Variants in ODAD2 observed in about 807,000 individuals in gnomAD.
ODAD2 encodes the protein outer dynein arm docking complex subunit 2, also known as outer dynein arm-docking complex subunit 2.
ODAD2 carries 89 observed loss-of-function variants against 106.8 expected under a neutral mutation model. That is an observed-to-expected ratio of 0.83 (90% CI 0.70 to 0.99). The LOEUF is 0.99. Ranked by LOEUF, ODAD2 falls within the 50% of genes least tolerant of loss-of-function variation. ODAD2 has a pLI of 0.00. For missense variants in ODAD2, 1,168 were observed against 1,238.5 expected, an observed-to-expected ratio of 0.94 and a Z score of 0.85; for synonymous variants, 404 against 436.2, an observed-to-expected ratio of 0.93 and a Z score of 0.92.
intron 19 of ODAD2, among the ~76,000 whole-genome samples, chr10:27,851,504 G>A (rs1288332406): frequency 1.3e-5 from 2 of 151,870 alleles, no homozygotes; most frequent in Admixed American, 6.6e-5. Flanking sequence ...CGAAAGATGT[G>A]AAAGGAGATC....
At chr10:27,821,586 A>G (rs1364881306) in intron 19 of ODAD2, among the ~76,000 whole-genome samples, 1 of 152,208 alleles carries the variant, frequency 6.6e-6, no homozygotes, top group Non-Finnish European at 1.5e-5. Flanking sequence ...CCTGAATTTG[A>G]TGTGGAGCTA....
chr10:27,914,160 G>C (rs1844203548), intron 16 of ODAD2, among the ~76,000 whole-genome samples: 1 of 152,026 alleles, frequency 6.6e-6, no homozygotes. Context: ...AAAAAAGAAT[G>C]AGATCAAACA....
At chr10:27,822,630 C>T (rs151320891) in intron 19 of ODAD2, among the ~76,000 whole-genome samples, 2 of 152,346 alleles carry the variant, frequency 1.3e-5, no homozygotes, top group Non-Finnish European at 2.9e-5. Context: ...CACATCCAGA[C>T]TCTGAGCCTC....
chr10:27,877,063 T>C (rs1589892573), intron 17 of ODAD2, among the ~76,000 whole-genome samples: 1 of 151,822 alleles, frequency 6.6e-6, no homozygotes, highest in East Asian at 1.9e-4. Context: ...ATTTGTTGAA[T>C]TGTGAAAAAA....
At chr10:27,838,862 A>G (rs150756505) in intron 19 of ODAD2, among the ~76,000 whole-genome samples, 1 of 152,100 alleles carries the variant, frequency 6.6e-6, no homozygotes, top group Non-Finnish European at 1.5e-5. Flanking sequence ...TTTTATCAAC[A>G]AAAAAAGCTG....
intron 17 of ODAD2, among the ~76,000 whole-genome samples, chr10:27,885,795 T>TATATATTATATATA (rs1564466754): frequency 3.2e-5 from 2 of 62,048 alleles, no homozygotes; most frequent in East Asian, 5.4e-4. Context: ...TTATATATAA[T>TATATATTATATATA]ATATATAAAA....
intron 7 of ODAD2, among the ~76,000 whole-genome samples, chr10:27,973,219 A>G (rs1270246534): frequency 6.6e-6 from 1 of 150,624 alleles, no homozygotes; most frequent in East Asian, 1.9e-4. Context: ...AATAATACAT[A>G]CATACATACA....
intron 7 of ODAD2, among the ~76,000 whole-genome samples, chr10:27,977,018 C>T (rs1849234261): frequency 6.6e-6 from 1 of 151,898 alleles, no homozygotes; most frequent in Non-Finnish European, 1.5e-5. Flanking sequence ...ACAAATGATG[C>T]TGGAACAACT....
chr10:27,984,547 G>A lies in ODAD2; in HGVS notation c.576-257C>T, dbSNP rs144343368. On this transcript the variant is annotated intron_variant, in intron 4 of 19. Coordinates refer to ENST00000305242, the MANE Select transcript of ODAD2 (RefSeq NM_018076.5). The stretch of plus-strand genomic sequence containing the variant: ...TAATATTCTAACACTAAAAATATTA[G>A]AAAATGAACATGCTTTGGACTATAC... 2.0e-3 allele frequency among the ~76,000 whole-genome samples: 303 copies of A among 152,188 alleles called. 1 individual carries two copies. Among genetic ancestry groups the A allele is most frequent in the African/African-American group, 6.9e-3 (287 of 41,540 alleles).
At chr10:27,901,369 G>T (rs891258129) in intron 17 of ODAD2, among the ~76,000 whole-genome samples, 3 of 152,152 alleles carry the variant, frequency 2.0e-5, no homozygotes, top group Non-Finnish European at 2.9e-5. Flanking sequence ...ATACCAAATT[G>T]TAAAGACCAT....
intron 14 of ODAD2, 143 bp from the exon 15 acceptor site, chr10:27,937,023 T>G (rs1337936853): frequency 2.7e-6 from 2 of 749,152 alleles, no homozygotes; most frequent in Admixed American, 6.7e-5. Flanking sequence ...TAAAATATAA[T>G]TCATCTTTCT....
chr10:27,988,498 C>T lies in ODAD2; in HGVS notation c.225-955G>A, dbSNP rs138030968. Among the ~76,000 whole-genome samples, 779 of 151,808 alleles carry T rather than the reference C, an allele frequency of 5.1e-3. 7 individuals carry two copies. Among genetic ancestry groups the T allele is most frequent in the African/African-American group, 0.018 (725 of 41,428 alleles). On this transcript the variant is annotated intron_variant, in intron 2 of 19. Transcript: ENST00000305242. ...ACTAGAGGCACATGCCACCATGCCT[C>T]GCTAATTTTTGTATTTTTAGTAGAC...
Position 27,991,397 on chromosome 10 carries a change from C to T in ODAD2, c.224+3522G>A, listed in dbSNP as rs571127445. On this transcript the variant is annotated intron_variant, in intron 2 of 19. Coordinates refer to ENST00000305242, the MANE Select transcript of ODAD2 (RefSeq NM_018076.5). The stretch of plus-strand genomic sequence containing the variant: ...CATCTATTCAATTAATAACGATCTG[C>T]ACAAAAGGACAGAAGGCAGTTGATG... 3.9e-5 allele frequency among the ~76,000 whole-genome samples: 6 copies of T among 152,276 alleles called. No homozygotes were observed. In the South Asian group the frequency reaches 1.2e-3, roughly 32 times the overall value.
intron 14 of ODAD2, among the ~76,000 whole-genome samples, chr10:27,938,792 G>A (rs188291907): frequency 3.2e-4 from 49 of 152,060 alleles, no homozygotes; most frequent in Admixed American, 2.8e-3. Flanking sequence ...TAGAGACGGG[G>A]TTGCACCATG....
In ODAD2 at chr10:27,944,391, G is replaced by T; in HGVS notation, c.1574C>A (p.Pro525His). The change falls in exon 12 of 20, where the codon CCT becomes CAT. Residue 525 changes from proline (P) to histidine (H), a missense_variant. Pro to His is a moderately conservative substitution (Grantham distance 77, BLOSUM62 -2). This residue lies in a region of ODAD2 where 701 missense variants were observed against 712.3 expected (regional missense o/e 0.98). Coordinates refer to ENST00000305242, the MANE Select transcript of ODAD2 (RefSeq NM_018076.5). ...GTCAACAATATTCTGTCTGATTTGA[G>T]GATTATGACTGATTTCCTTCAGTAT... ...LKILKEISHN[P>H]QIRQNIVDLG... The T allele has an allele frequency of 6.2e-7, 1 of 1,613,960 alleles. No homozygotes were observed. The highest frequency in any genetic ancestry group is 8.5e-7 in the Non-Finnish European group (1 of 1,179,954).
chr10:27,952,700 A>C (rs1847444279), intron 10 of ODAD2, among the ~76,000 whole-genome samples: 1 of 152,152 alleles, frequency 6.6e-6, no homozygotes, highest in Non-Finnish European at 1.5e-5. Flanking sequence ...CAAAACTTCC[A>C]AAAATGGTAC....
At chr10:27,961,848 T>A in intron 9 of ODAD2, 133 bp from the exon 10 acceptor site, 1 of 690,940 alleles carries the variant, frequency 1.4e-6, no homozygotes, top group Non-Finnish European at 2.4e-6. Context: ...GAGGATTACT[T>A]AAGGCCAAGA....
intron 16 of ODAD2, among the ~76,000 whole-genome samples, chr10:27,926,689 T>G (rs185756375): frequency 6.6e-6 from 1 of 152,120 alleles, no homozygotes; most frequent in African/African-American, 2.4e-5. Flanking sequence ...TAGCAGAAAA[T>G]TTTTTACAAA....
intron 17 of ODAD2, among the ~76,000 whole-genome samples, chr10:27,869,931 T>C (rs1840736211): frequency 6.6e-6 from 1 of 152,142 alleles, no homozygotes. Context: ...ACCTCTAAGC[T>C]ACTCAAGGAG....
Sources: allele counts gnomAD v4.1 joint callset (sites outside exome capture counted in the v4.1 genomes callset), GRCh38; gene constraint gnomAD v4.1.1; regional missense constraint gnomAD v4.1.1; transcripts MANE v1.5; gene names NCBI Gene and HGNC (gene_info 2026-07-23, HGNC 2026-07-21).